Variants in STPG2 observed in about 807,000 individuals in gnomAD.
STPG2 encodes sperm-tail PG-rich repeat-containing protein 2.
A neutral mutation model predicts 54.2 loss-of-function variants in STPG2; 56 were observed. The ratio of observed to expected loss-of-function variants is 1.03; its 90% confidence interval spans 0.83 to 1.29. The LOEUF is 1.29. STPG2 is among the 50% of genes most tolerant of loss of function. The pLI, the probability that STPG2 is intolerant of heterozygous loss-of-function variation, is 0.00. For missense variants in STPG2, 596 were observed against 544.9 expected (o/e 1.09, Z -0.93); for synonymous variants, 200 against 181.8 (o/e 1.10, Z -0.81).
At chr4:97,911,636 T>C (rs1731680624) in intron 8 of STPG2, among the ~76,000 whole-genome samples, 1 of 152,124 alleles carries the variant, frequency 6.6e-6, no homozygotes, top group African/African-American at 2.4e-5. Flanking sequence ...AAGTCCTTCC[T>C]GGAGGAATTT....
At chr4:97,546,424 A>G (rs867366978) in intron 4 of STPG2, among the ~76,000 whole-genome samples, 10 of 152,208 alleles carry the variant, frequency 6.6e-5, no homozygotes, top group South Asian at 4.1e-4. Context: ...TTATACTATC[A>G]AGGTAAATAA....
chr4:97,744,557 T>A (rs1725366183), intron 9 of STPG2, among the ~76,000 whole-genome samples: 2 of 151,392 alleles, frequency 1.3e-5, no homozygotes, highest in South Asian at 4.1e-4. Context: ...CCCCCCATTA[T>A]CTTCAGGGGA....
chr4:97,756,937 T>C (rs1169484392), intron 9 of STPG2, among the ~76,000 whole-genome samples: 1 of 152,164 alleles, frequency 6.6e-6, no homozygotes, highest in African/African-American at 2.4e-5. Flanking sequence ...CACCCCTCTT[T>C]GCTATCAGCA....
chr4:97,708,278 G>T (rs558447443), intron 10 of STPG2, among the ~76,000 whole-genome samples: 90 of 151,698 alleles, frequency 5.9e-4, no homozygotes, highest in Non-Finnish European at 9.4e-4. Context: ...CTTGGCAAAG[G>T]AAACAACGTA....
intron 10 of STPG2, among the ~76,000 whole-genome samples, chr4:97,681,910 T>C (rs892972552): frequency 2.6e-5 from 4 of 151,814 alleles, no homozygotes; most frequent in African/African-American, 9.7e-5. Flanking sequence ...TCTGCTGATA[T>C]AATCAACTAT....
chr4:97,831,197 C>T (rs1410203739), intron 9 of STPG2, among the ~76,000 whole-genome samples: 1 of 152,138 alleles, frequency 6.6e-6, no homozygotes, highest in Non-Finnish European at 1.5e-5. Flanking sequence ...TGCAATCAAA[C>T]TAGAACTCAG....
At chr4:97,444,033 A>G (rs1304081688) in intron 4 of STPG2, among the ~76,000 whole-genome samples, 1 of 152,210 alleles carries the variant, frequency 6.6e-6, no homozygotes, top group East Asian at 1.9e-4. Flanking sequence ...ATTTAAATTA[A>G]GAATGCAATA....
At position 97,599,716 on chromosome 4, in the gene STPG2, C is replaced by T. The variant is rs144351356; in HGVS notation, c.1321-40599G>A. Among the ~76,000 whole-genome samples the T allele has an allele frequency of 1.3e-3, 203 of 150,908 alleles. 4 individuals carry two copies. In the East Asian group the frequency reaches 0.027, roughly 20 times the overall value. On this transcript the variant is annotated intron_variant, in intron 10 of 10. Transcript: ENST00000295268. ...GCGGGCACCCATAGTCCCAGCTACT[C>T]GGGAGGCTGAGGCAGGAGAATGGCG...
chr4:97,801,583 T>G (rs1204888222), intron 9 of STPG2, among the ~76,000 whole-genome samples: 1 of 152,204 alleles, frequency 6.6e-6, no homozygotes, highest in Non-Finnish European at 1.5e-5. Flanking sequence ...GCCAATGACA[T>G]GGCTGGGTGC....
At chr4:98,011,331 G>C (rs1173893408) in intron 5 of STPG2, among the ~76,000 whole-genome samples, 1 of 152,108 alleles carries the variant, frequency 6.6e-6, no homozygotes, top group Non-Finnish European at 1.5e-5. Context: ...TGGTGTATAT[G>C]TGCCACATTT....
intron 10 of STPG2, among the ~76,000 whole-genome samples, chr4:97,600,320 G>A (rs1384520613): frequency 1.3e-5 from 2 of 152,036 alleles, no homozygotes; most frequent in Middle Eastern, 3.2e-3. Context: ...TTTTTCCCTT[G>A]TACCAGAACA....
intron 9 of STPG2, among the ~76,000 whole-genome samples, chr4:97,724,421 A>C (rs1190306204): frequency 6.6e-6 from 1 of 152,172 alleles, no homozygotes; most frequent in Non-Finnish European, 1.5e-5. Context: ...TTATTAGTTT[A>C]AAAATTCTCT....
At chr4:97,721,314 T>A (rs868675305) in intron 9 of STPG2, among the ~76,000 whole-genome samples, 1 of 152,110 alleles carries the variant, frequency 6.6e-6, no homozygotes, top group Non-Finnish European at 1.5e-5. Flanking sequence ...GGACATCATA[T>A]CTACCAGAAA....
chr4:97,656,765 T>C (rs1722230882), intron 10 of STPG2, among the ~76,000 whole-genome samples: 1 of 151,520 alleles, frequency 6.6e-6, no homozygotes, highest in South Asian at 2.1e-4. Flanking sequence ...TTTAATGAGA[T>C]TTAATTAAAT....
intron 5 of STPG2, among the ~76,000 whole-genome samples, chr4:98,034,139 T>C (rs1017187702): frequency 3.3e-5 from 5 of 152,032 alleles, no homozygotes; most frequent in Admixed American, 6.6e-5. Context: ...CGGTATTCAA[T>C]TAGGAAAAGA....
At chr4:97,731,644 C>A (rs1169363986) in intron 9 of STPG2, among the ~76,000 whole-genome samples, 1 of 152,164 alleles carries the variant, frequency 6.6e-6, no homozygotes, top group African/African-American at 2.4e-5. Flanking sequence ...CTGCTGGGTT[C>A]CCTCAGGCAG....
chr4:97,492,017 T>C (rs1730513375), intron 4 of STPG2, among the ~76,000 whole-genome samples: 1 of 151,464 alleles, frequency 6.6e-6, no homozygotes, highest in Non-Finnish European at 1.5e-5. Context: ...AATACTTTCA[T>C]GATGACTAGT....
At chr4:97,771,820 A>C (rs1726228177) in intron 9 of STPG2, among the ~76,000 whole-genome samples, 2 of 152,212 alleles carry the variant, frequency 1.3e-5, no homozygotes, top group African/African-American at 4.8e-5. Flanking sequence ...TGGGAAACAG[A>C]TCTGGGATAT....
intron 9 of STPG2, among the ~76,000 whole-genome samples, chr4:97,836,149 G>A (rs566155755): frequency 6.6e-6 from 1 of 152,092 alleles, no homozygotes; most frequent in East Asian, 1.9e-4. Flanking sequence ...TCTATTGTGG[G>A]TCAAGTGCTA....
Sources: gnomAD v4.1 joint callset for allele counts (sites outside exome capture counted in the v4.1 genomes callset) on GRCh38, gnomAD v4.1.1 for gene constraint, MANE v1.5 for transcripts, NCBI Gene and HGNC (gene_info 2026-07-23, HGNC 2026-07-21) for gene names.